Variants in CHIC2 observed in about 807,000 individuals in gnomAD.
The protein encoded by CHIC2 is cysteine-rich hydrophobic domain-containing protein 2.
CHIC2 carries 14 observed loss-of-function variants against 25.9 expected under a neutral mutation model. The observed-to-expected ratio is 0.54, with a 90% CI of 0.36 to 0.85. The LOEUF (loss-of-function observed/expected upper bound fraction) is 0.85, where lower values mean the gene tolerates loss of function less well. Among genes scored for constraint, CHIC2 ranks in the 40% least tolerant of loss-of-function variants. The probability of loss-of-function intolerance (pLI) is 0.01; values close to 1 mark genes in which losing one functional copy is unlikely to be tolerated. For synonymous variants in CHIC2, 70 were observed against 72.0 expected, an observed-to-expected ratio of 0.97 and a Z score of 0.14; for missense variants, 146 against 202.0, an observed-to-expected ratio of 0.72 and a Z score of 1.68.
At chr4:54,074,597 A>C in the CHIC2 span, among the ~76,000 whole-genome samples, 12 of 139,600 alleles carry the variant, frequency 8.6e-5, no homozygotes, top group African/African-American at 1.3e-4. Context: ...ACAACACACA[A>C]ACACACACAC....
chr4:54,023,108 C>T (rs1715951145), intron 3 of CHIC2, among the ~76,000 whole-genome samples: 1 of 152,032 alleles, frequency 6.6e-6, no homozygotes, highest in Non-Finnish European at 1.5e-5. Context: ...TCCTTAAAAA[C>T]AGCCCTAGAA....
chr4:54,014,335 CT>C (rs899939656), intron 3 of CHIC2, among the ~76,000 whole-genome samples: 4 of 152,030 alleles, frequency 2.6e-5, no homozygotes, highest in African/African-American at 9.7e-5. Context: ...TCATACGAAT[CT>C]TTTTTTACTA....
At chr4:54,049,774 G>A (rs1436650256) in intron 1 of CHIC2, among the ~76,000 whole-genome samples, 9 of 151,770 alleles carry the variant, frequency 5.9e-5, no homozygotes, top group Non-Finnish European at 1.3e-4. Context: ...GGAAGAATAA[G>A]GAAAAAGGGA....
At chr4:54,083,385 G>A in the CHIC2 span, among the ~76,000 whole-genome samples, 1 of 151,874 alleles carries the variant, frequency 6.6e-6, no homozygotes, top group Non-Finnish European at 1.5e-5. Flanking sequence ...TTTCCTCTTG[G>A]CTATTCTTAT....
chr4:54,051,336 G>A (rs1717001645), intron 1 of CHIC2, among the ~76,000 whole-genome samples: 1 of 151,962 alleles, frequency 6.6e-6, no homozygotes, highest in Non-Finnish European at 1.5e-5. Context: ...ACTGCCTGGA[G>A]CTACTGGAGA....
intron 5 of CHIC2, 64 bp from the exon 6 acceptor site, chr4:54,010,209 T>C (rs1168085987): frequency 1.1e-5 from 13 of 1,148,004 alleles, no homozygotes; most frequent in African/African-American, 1.6e-5. Flanking sequence ...AAACTTCAAT[T>C]ATATGCTTTC....
chr4:54,034,522 GTT>G (rs552780988), intron 3 of CHIC2, among the ~76,000 whole-genome samples: 7 of 151,596 alleles, frequency 4.6e-5, no homozygotes. Context: ...TCTTATATAT[GTT>G]TTTTTCAGCT....
intron 3 of CHIC2, among the ~76,000 whole-genome samples, chr4:54,033,451 T>C (rs893161994): frequency 1.3e-5 from 2 of 152,208 alleles, no homozygotes; most frequent in African/African-American, 4.8e-5. Context: ...AAGTATCTGC[T>C]TTGCAAAGAT....
At chr4:54,028,901 G>A (rs1211137062) in intron 3 of CHIC2, among the ~76,000 whole-genome samples, 1 of 152,162 alleles carries the variant, frequency 6.6e-6, no homozygotes, top group Non-Finnish European at 1.5e-5. Flanking sequence ...GAGGTGGGCA[G>A]ATCATGAGGT....
rs1374817278 is a variant in CHIC2, at chr4:54,046,009, GACAA to G, written c.330+2942_330+2945del. ...CAAGCATTCTTATACACCAATAACA[GACAA>G]ACAGAGAGCCAAATCATGAGTGAAC... On this transcript the variant is annotated intron_variant, in intron 3 of 5. Transcript: ENST00000263921. 5.9e-5 allele frequency among the ~76,000 whole-genome samples: 9 copies of G among 152,068 alleles called. No homozygotes were observed. In the South Asian group the frequency reaches 6.2e-4, roughly 11 times the overall value.
chr4:54,064,072 T>C lies in CHIC2; in HGVS notation c.119+110A>G. On this transcript the variant is annotated intron_variant, in intron 1 of 5. Transcript: ENST00000263921. This position sits in a 1 kb window ranked among gnomAD's most constrained non-coding sequence, Gnocchi z 4.2. ...GTTCTCACTTCCTGGTTGCCTACTCTTTCGGAAGGCCCCCGACACCAGACG... is the reference window on the plus strand; with the variant it reads ...GTTCTCACTTCCTGGTTGCCTACTCCTTCGGAAGGCCCCCGACACCAGACG... The C allele has an allele frequency of 1.1e-6, 1 of 923,512 alleles. No homozygotes were observed. Among genetic ancestry groups the C allele is most frequent in the Non-Finnish European group, 1.6e-6 (1 of 606,656 alleles). 57.2% of individuals were successfully genotyped at this position (923,512 alleles called of 1,614,324 possible).
intron 1 of CHIC2, chr4:54,060,799 T>A (rs1205092192): frequency 6.6e-6 from 1 of 152,146 alleles, no homozygotes; most frequent in African/African-American, 2.4e-5. Context: ...TTAGAAACTA[T>A]TTTTCCTCAT....
intron 3 of CHIC2, among the ~76,000 whole-genome samples, chr4:54,020,119 G>A (rs192792855): frequency 2.0e-5 from 3 of 152,280 alleles, no homozygotes; most frequent in Non-Finnish European, 4.4e-5. Context: ...CATATCCCCT[G>A]TGACCTGCAC....
At position 54,064,476 on chromosome 4, in the gene CHIC2, T is replaced by TCGCCGC; in HGVS notation, c.-182_-177dup. 1 of 1,450,140 alleles carries TCGCCGC rather than the reference T, an allele frequency of 6.9e-7. No individual in the cohort carries two copies. The highest frequency in any genetic ancestry group is 9.0e-7 in the Non-Finnish European group (1 of 1,109,720). 89.8% of individuals were successfully genotyped at this position (1,450,140 alleles called of 1,614,324 possible). A position where few individuals can be genotyped will look rare whatever the true frequency, so the allele number is the denominator to read the frequency against. On this transcript the variant is annotated 5_prime_UTR_variant, in exon 1 of 6. Transcript: ENST00000263921. The surrounding 1 kb of genome is among the most constrained non-coding windows in gnomAD (Gnocchi z 4.2). Reference sequence around the variant, plus strand: ...TACAGAGGGGATGGGGTCTGGACCGTCGCCGCCACCGCCGCCGCCATTACC... The same window carrying TCGCCGC: ...TACAGAGGGGATGGGGTCTGGACCGTCGCCGCCGCCGCCACCGCCGCCGCCATTACC...
chr4:54,058,854 G>C (rs1378627852), intron 1 of CHIC2, among the ~76,000 whole-genome samples: 1 of 151,916 alleles, frequency 6.6e-6, no homozygotes, highest in African/African-American at 2.4e-5. Context: ...AAATTATTTA[G>C]AATAGTATTT....
chr4:54,022,016 C>T (rs953145093), intron 3 of CHIC2, among the ~76,000 whole-genome samples: 1 of 152,172 alleles, frequency 6.6e-6, no homozygotes, highest in Admixed American at 6.5e-5. Context: ...CACAAGAACT[C>T]CAAACACCTG....
chr4:54,040,703 CAAAAAAAAAAAA>C (rs71200354), intron 3 of CHIC2, among the ~76,000 whole-genome samples: 2 of 59,310 alleles, frequency 3.4e-5, no homozygotes, highest in Non-Finnish European at 6.0e-5. Flanking sequence ...AACTCTGTCT[CAAAAAAAAAAAA>C]AAAAAAAAAA....
At chr4:54,060,263 A>G (rs1717291178) in intron 1 of CHIC2, 1 of 152,218 alleles carries the variant, frequency 6.6e-6, no homozygotes, top group African/African-American at 2.4e-5. Context: ...TTAATCTTCC[A>G]TAACATATCT....
chr4:54,051,719 A>G (rs1036349156), intron 1 of CHIC2, among the ~76,000 whole-genome samples: 1 of 152,148 alleles, frequency 6.6e-6, no homozygotes, highest in South Asian at 2.1e-4. Flanking sequence ...TCTCCTCTGC[A>G]ATTCACTGTA....
Sources: gnomAD v4.1 joint callset for allele counts (sites outside exome capture counted in the v4.1 genomes callset) on GRCh38, gnomAD v4.1.1 for gene constraint, Gnocchi (gnomAD v3.1) non-coding constraint, MANE v1.5 for transcripts, NCBI Gene and HGNC (gene_info 2026-07-23, HGNC 2026-07-21) for gene names.